EDC4: variants seen among roughly 807,000 people sequenced by gnomAD.
The protein encoded by EDC4 is enhancer of mRNA-decapping protein 4.
In EDC4, 64 loss-of-function variants were observed where a neutral mutation model predicts 155.8. The ratio of observed to expected loss-of-function variants is 0.41; its 90% CI spans 0.34 to 0.51. The LOEUF is 0.51. EDC4 is among the 20% of genes least tolerant of loss of function. The probability of loss-of-function intolerance (pLI) is 0.19; values close to 1 mark genes in which losing one functional copy is unlikely to be tolerated. For missense variants in EDC4, 1,303 were observed against 1,812.5 expected (o/e 0.72, Z 5.10); for synonymous variants, 684 against 716.8 (o/e 0.95, Z 0.73).
At position 67,879,730 on chromosome 16, in the gene EDC4, ATGACACC is replaced by A. The variant is rs2058056882; in HGVS notation, c.1782_1788del (p.Asp596SerfsTer2). 6.2e-7 allele frequency: 1 copy of A among 1,614,014 alleles called. No individual in the cohort carries two copies. The highest frequency in any genetic ancestry group is 1.7e-5 in the Admixed American group (1 of 60,002). On this transcript the variant is annotated frameshift_variant, in exon 15 of 29. Coordinates refer to ENST00000358933, the MANE Select transcript of EDC4 (RefSeq NM_014329.5). LOFTEE classifies it high-confidence loss of function. The surrounding 1 kb of genome is among the most constrained non-coding windows in gnomAD (Gnocchi z 6.0). ...GAGCAGTGAGACCAAGCCCAAGTTG[ATGACACC>A]TGACGCCTTCATGACACCTAGCGCC...
Position 67,879,520 on chromosome 16 carries a change from A to C in EDC4, c.1633+17A>C. 6.2e-7 allele frequency: 1 copy of C among 1,614,028 alleles called. No homozygotes were observed. Among genetic ancestry groups the C allele is most frequent in the South Asian group, 1.1e-5 (1 of 91,074 alleles). ...AGGACTTCAGTGAGTAGGGCGTGAGAGGGAGGTAGGGTAAGTTGGACTGAC... is the reference window on the plus strand; with the variant it reads ...AGGACTTCAGTGAGTAGGGCGTGAGCGGGAGGTAGGGTAAGTTGGACTGAC... On this transcript the variant is annotated intron_variant, in intron 14 of 28. Coordinates refer to ENST00000358933, the MANE Select transcript of EDC4 (RefSeq NM_014329.5). The surrounding 1 kb of genome is among the most constrained non-coding windows in gnomAD (Gnocchi z 6.0).
At position 67,879,387 on chromosome 16, in the gene EDC4, T is replaced by C; in HGVS notation, c.1542-25T>C. ...ACTGACCCTTGCCCTTGGAGCACTTTATTCTCCCCCTTCTTTTCCTGCAGG... is the reference window on the plus strand; with the variant it reads ...ACTGACCCTTGCCCTTGGAGCACTTCATTCTCCCCCTTCTTTTCCTGCAGG... On this transcript the variant is annotated intron_variant, in intron 13 of 28. Coordinates refer to ENST00000358933, the MANE Select transcript of EDC4 (RefSeq NM_014329.5). This position sits in a 1 kb window ranked among gnomAD's most constrained non-coding sequence, Gnocchi z 6.0. 6.2e-7 allele frequency: 1 copy of C among 1,614,206 alleles called. No homozygotes were observed.
chr16:67,878,079 C>G lies in EDC4; in HGVS notation c.895-87C>G. 1 of 1,575,746 alleles carries G rather than the reference C, an allele frequency of 6.3e-7. No homozygotes were observed. Among genetic ancestry groups the G allele is most frequent in the Non-Finnish European group, 8.6e-7 (1 of 1,159,328 alleles). ...AGTCACACAAGCATGCCAGTCCCAC[C>G]GTGAGTCAGCCCAGCTCATTGCCAT... is the stretch of plus-strand genomic sequence containing the variant. On this transcript the variant is annotated intron_variant, in intron 7 of 28. Transcript: ENST00000358933. The surrounding 1 kb of genome is among the most constrained non-coding windows in gnomAD (Gnocchi z 5.2).
At position 67,880,054 on chromosome 16, in the gene EDC4, C is replaced by G; in HGVS notation, c.1944-9C>G. 6.3e-7 allele frequency: 1 copy of G among 1,594,642 alleles called. No individual in the cohort carries two copies. The highest frequency in any genetic ancestry group is 1.1e-5 in the South Asian group (1 of 88,634). ...TCTGGCTGCTGACACCTCAGCCTTC[C>G]CCCACCAGGCCACCTGAGGAGCTGA... On this transcript the variant is annotated splice_polypyrimidine_tract_variant and intron_variant, in intron 16 of 28. Coordinates refer to ENST00000358933, the MANE Select transcript of EDC4 (RefSeq NM_014329.5). This position sits in a 1 kb window ranked among gnomAD's most constrained non-coding sequence, Gnocchi z 5.2.
Position 67,877,874 on chromosome 16 carries a change from C to T in EDC4, c.894+29C>T. 6.2e-7 allele frequency: 1 copy of T among 1,612,736 alleles called. No homozygotes were observed. The highest frequency in any genetic ancestry group is 8.5e-7 in the Non-Finnish European group (1 of 1,179,584). Reference sequence around the variant, plus strand: ...AGCCTGTGACTGCCTGCCTCCCCTGCCCTCCCCACTTCCTCATATCCATCT... The same window carrying T: ...AGCCTGTGACTGCCTGCCTCCCCTGTCCTCCCCACTTCCTCATATCCATCT... On this transcript the variant is annotated intron_variant, in intron 7 of 28. Transcript: ENST00000358933. The surrounding 1 kb of genome is among the most constrained non-coding windows in gnomAD (Gnocchi z 4.9).
intron 1 of EDC4, among the ~76,000 whole-genome samples, chr16:67,873,641 G>A (rs2058030382): frequency 6.6e-6 from 1 of 152,158 alleles, no homozygotes; most frequent in African/African-American, 2.4e-5. Context: ...TAGTGTTCCT[G>A]GGACTGGCCT....
chr16:67,874,772 C>T (rs980982550), intron 1 of EDC4, among the ~76,000 whole-genome samples: 3 of 152,146 alleles, frequency 2.0e-5, no homozygotes, highest in African/African-American at 7.2e-5. Context: ...TCTCACTGGA[C>T]GACCAGGTCA....
At position 67,877,871 on chromosome 16, in the gene EDC4, C is replaced by T. The variant is rs965816819; in HGVS notation, c.894+26C>T. The T allele has an allele frequency of 6.2e-7, 1 of 1,612,950 alleles. No homozygotes were observed. Among genetic ancestry groups the T allele is most frequent in the Admixed American group, 1.7e-5 (1 of 59,870 alleles). On this transcript the variant is annotated intron_variant, in intron 7 of 28. Coordinates refer to ENST00000358933, the MANE Select transcript of EDC4 (RefSeq NM_014329.5). The surrounding 1 kb of genome is among the most constrained non-coding windows in gnomAD (Gnocchi z 4.9). ...GTAAGCCTGTGACTGCCTGCCTCCC[C>T]TGCCCTCCCCACTTCCTCATATCCA...
chr16:67,875,356 T>C (rs1160220656), intron 1 of EDC4, among the ~76,000 whole-genome samples: 1 of 152,182 alleles, frequency 6.6e-6, no homozygotes, highest in African/African-American at 2.4e-5. Flanking sequence ...TAGGAGCCCA[T>C]CTTCTCTCCA....
chr16:67,881,836 G>A lies in EDC4; in HGVS notation c.2995G>A (p.Glu999Lys), dbSNP rs941165442. ...AGAACGTGCCCTTGAGACTCGGCAC[G>A]AGCAGGAACGTATCCTTGAGACTGG... Reference protein sequence around the residue: ...HVERALETRHEQEQRRLERAL... With the variant: ...HVERALETRHKQEQRRLERAL... The change falls in exon 22 of 29, where the codon GAG (glutamate) becomes AAG (lysine). Residue 999 changes from glutamate (E) to lysine (K), a missense_variant. Physicochemically the swap from Glu to Lys is moderately conservative, Grantham distance 56. Around this residue, in one of 5 missense-constraint regions of EDC4, gnomAD observed 527 missense variants for 757.0 expected, o/e 0.70. Coordinates refer to ENST00000358933, the MANE Select transcript of EDC4 (RefSeq NM_014329.5). This position sits in a 1 kb window ranked among gnomAD's most constrained non-coding sequence, Gnocchi z 5.4. The A allele has an allele frequency of 1.2e-5, 19 of 1,613,226 alleles. No individual in the cohort carries two copies. Among genetic ancestry groups the A allele is most frequent in the East Asian group, 2.2e-5 (1 of 44,862 alleles).
chr16:67,879,067 T>C lies in EDC4; in HGVS notation c.1398T>C (p.Val466=), dbSNP rs751504309. Residue 466 remains valine, a synonymous_variant, in exon 12 of 29, where the codon GTT becomes GTC. Coordinates refer to ENST00000358933, the MANE Select transcript of EDC4 (RefSeq NM_014329.5). The surrounding 1 kb of genome is among the most constrained non-coding windows in gnomAD (Gnocchi z 6.0). ...THPVLSFGIQ[V]VSRCRLRHTE... ...CTGTGCTGAGCTTTGGTATCCAGGTTGTGAGTCGCTGCCGGCTACGGCACA... is the reference window on the plus strand; with the variant it reads ...CTGTGCTGAGCTTTGGTATCCAGGTCGTGAGTCGCTGCCGGCTACGGCACA... The C allele has an allele frequency of 6.2e-7, 1 of 1,613,494 alleles. No homozygotes were observed. The highest frequency in any genetic ancestry group is 8.5e-7 in the Non-Finnish European group (1 of 1,179,970).
rs938589277 is a variant in EDC4 at position 67,876,514 on chromosome 16, C to A, written c.266C>A (p.Thr89Asn). Residue 89 changes from threonine (T) to asparagine (N), a missense_variant, in exon 3 of 29, where the codon ACC becomes AAC. Thr to Asn is a moderately conservative substitution (Grantham distance 65, BLOSUM62 0). Around this residue, in one of 5 missense-constraint regions of EDC4, gnomAD observed 99 missense variants for 121.3 expected, o/e 0.82. Transcript: ENST00000358933. This position sits in a 1 kb window ranked among gnomAD's most constrained non-coding sequence, Gnocchi z 5.8. ...TGTCTCTCAGGAGATGATAGCTCCA[C>A]CTGCATTGGGATTTTGGCCAAGGAG... ...VICLSGDDSS[T>N]CIGILAKEVE... is the part of the protein sequence containing the mutation. The A allele has an allele frequency of 3.7e-6, 6 of 1,614,018 alleles. No homozygotes were observed. The African/African-American group carries it at 5.3e-5, about 14-fold the overall frequency.
rs376969297 is a variant in EDC4 at position 67,878,664 on chromosome 16, C to A, written c.1184+33C>A. On this transcript the variant is annotated intron_variant, in intron 10 of 28. Coordinates refer to ENST00000358933, the MANE Select transcript of EDC4 (RefSeq NM_014329.5). The surrounding 1 kb of genome is among the most constrained non-coding windows in gnomAD (Gnocchi z 5.2). ...GTGGCTGGAAGGCTGGGGGACTGGG[C>A]AGGGGCGGCAGGGTTGGGAATGTAG... is the stretch of plus-strand genomic sequence containing the variant. 2 of 1,614,170 alleles carry A rather than the reference C, an allele frequency of 1.2e-6. No homozygotes were observed. Among genetic ancestry groups the A allele is most frequent in the East Asian group, 4.5e-5 (2 of 44,886 alleles).
intron 1 of EDC4, 134 bp from the exon 2 acceptor site, chr16:67,875,811 C>G: frequency 6.7e-7 from 1 of 1,489,070 alleles, no homozygotes; most frequent in Non-Finnish European, 8.9e-7. Flanking sequence ...ACACAGGGCC[C>G]TCCTCCTCAT....
Position 67,880,246 on chromosome 16 carries a change from G to A in EDC4, c.2097+30G>A, listed in dbSNP as rs757426131. 2 of 1,567,822 alleles carry A rather than the reference G, an allele frequency of 1.3e-6. No individual in the cohort carries two copies. The highest frequency in any genetic ancestry group is 1.7e-6 in the Non-Finnish European group (2 of 1,158,640). On this transcript the variant is annotated intron_variant, in intron 17 of 28. Coordinates refer to ENST00000358933, the MANE Select transcript of EDC4 (RefSeq NM_014329.5). The surrounding 1 kb of genome is among the most constrained non-coding windows in gnomAD (Gnocchi z 5.2). The stretch of plus-strand genomic sequence containing the variant: ...GTGACTGGGTGTGTGTGTGAAGTGT[G>A]GGGAGCAGGTGGGCAGCAGCAGGGA...
chr16:67,880,493 C>T lies in EDC4; in HGVS notation c.2098-64C>T, dbSNP rs2058062264. 4 of 1,573,664 alleles carry T rather than the reference C, an allele frequency of 2.5e-6. No individual in the cohort carries two copies. Among genetic ancestry groups the T allele is most frequent in the Non-Finnish European group, 1.7e-6 (2 of 1,155,110 alleles). Reference sequence around the variant, plus strand: ...ATTACTGCTAATACTAATGCCTCGTCTCTGTGCCCCCCATCTCTGCCTCAC... The same window carrying T: ...ATTACTGCTAATACTAATGCCTCGTTTCTGTGCCCCCCATCTCTGCCTCAC... On this transcript the variant is annotated intron_variant, in intron 17 of 28. Coordinates refer to ENST00000358933, the MANE Select transcript of EDC4 (RefSeq NM_014329.5). This position sits in a 1 kb window ranked among gnomAD's most constrained non-coding sequence, Gnocchi z 5.2.
rs553271419 is a variant in EDC4, at chr16:67,881,710, C to G, written c.2869C>G (p.Gln957Glu). The part of the protein sequence containing the change: ...PEDWPALIWQ[Q>E]QRELAELRHS... ...GGACTGGCCAGCACTAATTTGGCAA[C>G]AGCAGAGAGAGCTGGCAGAGCTGCG... Residue 957 changes from glutamine (Q) to glutamate (E), a missense_variant, in exon 22 of 29, where the codon CAG becomes GAG. Gln to Glu is a conservative substitution (Grantham distance 29). Around this residue, in one of 5 missense-constraint regions of EDC4, gnomAD observed 527 missense variants for 757.0 expected, o/e 0.70. Transcript: ENST00000358933. This position sits in a 1 kb window ranked among gnomAD's most constrained non-coding sequence, Gnocchi z 5.4. 3.7e-6 allele frequency: 6 copies of G among 1,614,080 alleles called. No individual in the cohort carries two copies. The South Asian group carries it at 6.6e-5, about 18-fold the overall frequency.
chr16:67,877,642 C>T lies in EDC4; in HGVS notation c.775C>T (p.Leu259=), dbSNP rs566457827. 8.1e-6 allele frequency: 13 copies of T among 1,614,144 alleles called. No homozygotes were observed. In the East Asian group the frequency reaches 1.1e-4, roughly 14 times the overall value. The change falls in exon 6 of 29, where the codon CTG becomes TTG. Residue 259 remains leucine (L), a synonymous_variant. Coordinates refer to ENST00000358933, the MANE Select transcript of EDC4 (RefSeq NM_014329.5). The surrounding 1 kb of genome is among the most constrained non-coding windows in gnomAD (Gnocchi z 4.9). ...CEESSPTVAL[L]HEDRAEVWDL... The stretch of plus-strand genomic sequence containing the variant: ...GGAGAGCAGCCCAACAGTGGCCCTG[C>T]TGCATGAAGACCGGGTGAGGGGGCT...
chr16:67,880,374 G>A lies in EDC4; in HGVS notation c.2097+158G>A. The A allele has an allele frequency of 3.7e-6, 5 of 1,362,746 alleles. No individual in the cohort carries two copies. The highest frequency in any genetic ancestry group is 2.7e-4 in the Middle Eastern group (1 of 3,744). 84.4% of individuals were successfully genotyped at this position (1,362,746 alleles called of 1,614,324 possible). ...ATTTCACCCTCCTGTGTTTCCTGGT[G>A]GGTGTCTCCTCAGCCTCCCTGTCCC... On this transcript the variant is annotated intron_variant, in intron 17 of 28. Coordinates refer to ENST00000358933, the MANE Select transcript of EDC4 (RefSeq NM_014329.5). This position sits in a 1 kb window ranked among gnomAD's most constrained non-coding sequence, Gnocchi z 5.2.
Sources: gnomAD v4.1 joint callset for allele counts (sites outside exome capture counted in the v4.1 genomes callset) on GRCh38, gnomAD v4.1.1 for gene constraint, gnomAD v4.1.1 regional missense constraint, Gnocchi (gnomAD v3.1) non-coding constraint, MANE v1.5 for transcripts, NCBI Gene and HGNC (gene_info 2026-07-23, HGNC 2026-07-21) for gene names.